SPATS2: variants seen among roughly 807,000 people sequenced by gnomAD.
The protein encoded by SPATS2 is spermatogenesis-associated serine-rich protein 2.
In SPATS2, 38 loss-of-function variants were observed where a neutral mutation model predicts 63.7. The ratio of observed to expected loss-of-function variants is 0.60; its 90% CI spans 0.46 to 0.78. The LOEUF (loss-of-function observed/expected upper bound fraction) is 0.78. Ranked by LOEUF, SPATS2 falls within the 30% of genes least tolerant of loss-of-function variation. The pLI is 0.00. For missense variants in SPATS2, 588 were observed against 666.2 expected (o/e 0.88, Z 1.29); for synonymous variants, 207 against 232.9 (o/e 0.89, Z 1.01).
chr12:49,477,854 C>G (rs1946143816), intron 3 of SPATS2, among the ~76,000 whole-genome samples: 1 of 151,618 alleles, frequency 6.6e-6, no homozygotes, highest in Non-Finnish European at 1.5e-5. Context: ...TATTTCCTAC[C>G]AAAACAGTCG....
chr12:49,372,889 G>A (rs1944022725), intron 2 of SPATS2, among the ~76,000 whole-genome samples: 1 of 151,740 alleles, frequency 6.6e-6, no homozygotes, highest in African/African-American at 2.4e-5. Context: ...TGAAATGGCT[G>A]CAGTGAACTG....
chr12:49,525,946 A>G lies in SPATS2; in HGVS notation c.1329A>G (p.Val443=), dbSNP rs751722158. Residue 443 remains valine (V), a splice_region_variant and synonymous_variant, in exon 14 of 14, where the codon GTA becomes GTG. Coordinates refer to ENST00000552918, the MANE Select transcript of SPATS2 (RefSeq NM_023071.4). The part of the protein sequence containing the change: ...SGQPYQPLRE[V]LPGNRRGGQG... ...ACATTGTATTCTTTCATCTTTAGGT[A>G]TTGCCAGGGAACAGACGAGGAGGAC... 1.7e-5 allele frequency: 28 copies of G among 1,612,544 alleles called. No individual in the cohort carries two copies. The highest frequency in any genetic ancestry group is 2.3e-5 in the Non-Finnish European group (27 of 1,179,060).
chr12:49,499,053 T>C (rs1395729363), intron 8 of SPATS2, among the ~76,000 whole-genome samples: 1 of 152,232 alleles, frequency 6.6e-6, no homozygotes, highest in Non-Finnish European at 1.5e-5. Context: ...CCCAAAGTGC[T>C]GGGATTACAG....
intron 2 of SPATS2, among the ~76,000 whole-genome samples, chr12:49,412,862 T>A (rs1014666925): frequency 2.0e-5 from 3 of 152,212 alleles, no homozygotes; most frequent in African/African-American, 7.2e-5. Context: ...CTAATGATTT[T>A]GTCACATTGT....
Position 49,494,880 on chromosome 12 carries a change from A to G in SPATS2, c.404A>G (p.Asn135Ser), listed in dbSNP as rs146176618. The change falls in exon 7 of 14, where the codon AAT becomes AGT. Residue 135 changes from asparagine to serine, a missense_variant. Coordinates refer to ENST00000552918, the MANE Select transcript of SPATS2 (RefSeq NM_023071.4). ...GGTGGTATGAATGGCTACCATGTCA[A>G]TGGTGCCATCAATGACACTGAGTCT... is the stretch of plus-strand genomic sequence containing the variant. ...EKGGMNGYHV[N>S]GAINDTESVD... The G allele has an allele frequency of 3.7e-4, 591 of 1,614,022 alleles. 4 individuals are homozygous for G. In the East Asian group the frequency reaches 0.011, roughly 29 times the overall value.
Position 49,526,198 on chromosome 12 carries a change from A to G in SPATS2, c.1581A>G (p.Lys527=). 1 of 1,614,230 alleles carries G rather than the reference A, an allele frequency of 6.2e-7. No individual in the cohort carries two copies. The highest frequency in any genetic ancestry group is 1.1e-5 in the South Asian group (1 of 91,082). Residue 527 remains lysine, a synonymous_variant, in exon 14 of 14, where the codon AAA becomes AAG. Transcript: ENST00000552918. ...CCAGCCCTCCCACGCCTTCATTCAA[A>G]AAGGGGCTCCCCCAGCGCAAACCCA... ...MEPSPPTPSF[K]KGLPQRKPRT...
At chr12:49,472,837 C>G (rs376973655) in intron 3 of SPATS2, among the ~76,000 whole-genome samples, 1 of 147,582 alleles carries the variant, frequency 6.8e-6, no homozygotes, top group African/African-American at 2.5e-5. Flanking sequence ...CTCTGGAGTT[C>G]GAGACCAGCC....
At chr12:49,461,251 C>A in intron 3 of SPATS2, 1 of 551,412 alleles carries the variant, frequency 1.8e-6, no homozygotes, top group Non-Finnish European at 3.2e-6. Context: ...TTGTAATATG[C>A]TTAACAATCT....
At chr12:49,524,577 C>G (rs1333391761) in intron 12 of SPATS2, 105 bp from the exon 13 acceptor site, 3 of 1,192,062 alleles carry the variant, frequency 2.5e-6, no homozygotes, top group Non-Finnish European at 3.6e-6. Flanking sequence ...TTCGAATAGA[C>G]AGTTCTTTAT....
At chr12:49,520,271 C>A in intron 11 of SPATS2, among the ~76,000 whole-genome samples, 1 of 152,266 alleles carries the variant, frequency 6.6e-6, no homozygotes. Context: ...TGAGCCACCA[C>A]GCCCAGCGGC....
chr12:49,408,022 A>G (rs547728901), intron 2 of SPATS2, among the ~76,000 whole-genome samples: 1 of 152,342 alleles, frequency 6.6e-6, no homozygotes, highest in African/African-American at 2.4e-5. Context: ...GATTGAATGA[A>G]AACAATGTCA....
intron 2 of SPATS2, among the ~76,000 whole-genome samples, chr12:49,374,958 CAA>C (rs10687716): frequency 2.0e-3 from 49 of 24,728 alleles, no homozygotes; most frequent in African/African-American, 6.3e-3. Context: ...GGATCTGTCT[CAA>C]AAAAAAAAAA....
At chr12:49,466,005 A>G (rs548047342) in intron 3 of SPATS2, among the ~76,000 whole-genome samples, 1 of 151,226 alleles carries the variant, frequency 6.6e-6, no homozygotes, top group Non-Finnish European at 1.5e-5. Context: ...ATGAAGCCCA[A>G]TTTATCTTTT....
At chr12:49,504,327 T>C (rs1946619262) in intron 9 of SPATS2, among the ~76,000 whole-genome samples, 1 of 152,218 alleles carries the variant, frequency 6.6e-6, no homozygotes, top group South Asian at 2.1e-4. Context: ...TTAAAATTTC[T>C]TCTTATTGGT....
chr12:49,459,342 T>A (rs571156986), intron 2 of SPATS2, among the ~76,000 whole-genome samples: 1 of 152,048 alleles, frequency 6.6e-6, no homozygotes, highest in East Asian at 1.9e-4. Context: ...TATTATTATT[T>A]ATTTTATTAT....
At chr12:49,372,500 A>G (rs925252201) in intron 2 of SPATS2, among the ~76,000 whole-genome samples, 1 of 152,190 alleles carries the variant, frequency 6.6e-6, no homozygotes, top group African/African-American at 2.4e-5. Context: ...TCATGTATCC[A>G]ATGTGGAAGG....
intron 2 of SPATS2, among the ~76,000 whole-genome samples, chr12:49,408,038 A>C (rs1592368278): frequency 6.6e-6 from 1 of 152,234 alleles, no homozygotes; most frequent in Non-Finnish European, 1.5e-5. Context: ...TGTCAGTGTT[A>C]AATGGTAGGT....
chr12:49,385,470 G>T (rs1192867396), intron 2 of SPATS2, among the ~76,000 whole-genome samples: 2 of 151,472 alleles, frequency 1.3e-5, no homozygotes, highest in African/African-American at 4.9e-5. Flanking sequence ...TTTGAGGAAA[G>T]ATCTAAAAAT....
At chr12:49,453,508 A>G (rs1351315911) in intron 2 of SPATS2, among the ~76,000 whole-genome samples, 1 of 152,040 alleles carries the variant, frequency 6.6e-6, no homozygotes, top group Non-Finnish European at 1.5e-5. Context: ...TATTTTTTAA[A>G]TTATTATTTA....
Sources: allele counts gnomAD v4.1 joint callset (sites outside exome capture counted in the v4.1 genomes callset), GRCh38; gene constraint gnomAD v4.1.1; transcripts MANE v1.5; gene names NCBI Gene and HGNC (gene_info 2026-07-23, HGNC 2026-07-21).